Variants in ARHGEF6 observed in about 807,000 individuals in gnomAD.
ARHGEF6 encodes Rac/Cdc42 guanine nucleotide exchange factor 6, also known as rho guanine nucleotide exchange factor 6.
In ARHGEF6, 9 loss-of-function variants were observed where a neutral mutation model predicts 70.3. The observed-to-expected ratio is 0.13, with a 90% CI of 0.08 to 0.22. ARHGEF6 has a LOEUF of 0.22. Ranked by LOEUF, ARHGEF6 falls within the 10% of genes least tolerant of loss-of-function variation. The probability of loss-of-function intolerance (pLI) is 1.00; values close to 1 mark genes in which losing one functional copy is unlikely to be tolerated. For synonymous variants in ARHGEF6, 201 were observed against 207.8 expected (o/e 0.97, Z 0.28); for missense variants, 470 against 563.0 (o/e 0.83, Z 1.67).
chrX:136,715,045 T>C (rs2076723511), intron 6 of ARHGEF6, among the ~76,000 whole-genome samples: 1 of 112,049 alleles, frequency 8.9e-6, no homozygotes, highest in Admixed American at 9.4e-5. Context: ...TTGCCCCCAG[T>C]TGAGAATCAC....
At chrX:136,723,126 G>A (rs1198521097) in intron 6 of ARHGEF6, among the ~76,000 whole-genome samples, 1 of 112,137 alleles carries the variant, frequency 8.9e-6, no homozygotes, top group East Asian at 2.8e-4. Context: ...GTAGATTAGT[G>A]GTTGCCAAGG....
At chrX:136,709,849 C>G (rs1280353772) in intron 7 of ARHGEF6, among the ~76,000 whole-genome samples, 1 of 111,792 alleles carries the variant, frequency 8.9e-6, no homozygotes, top group Non-Finnish European at 1.9e-5. Flanking sequence ...GCCTGTAATT[C>G]CAGCTACTCG....
chrX:136,705,728 G>A lies in ARHGEF6; in HGVS notation c.1046+1180C>T, dbSNP rs961672170. 2.7e-5 allele frequency among the ~76,000 whole-genome samples: 3 copies of A among 112,280 alleles called. No homozygotes were observed. The Admixed American group carries it at 2.8e-4, about 11-fold the overall frequency. On this transcript the variant is annotated intron_variant, in intron 9 of 21. Transcript: ENST00000250617. ...TCTTTAAACTCCAATTTCCATATTT[G>A]CTATTCCATAAGAGTTCAAAATTTA...
intron 2 of ARHGEF6, among the ~76,000 whole-genome samples, chrX:136,773,000 C>T (rs1374398541): frequency 9.0e-6 from 1 of 111,668 alleles, no homozygotes; most frequent in Non-Finnish European, 1.9e-5. Context: ...GTGTGATCCT[C>T]TAAAGACCCT....
intron 2 of ARHGEF6, among the ~76,000 whole-genome samples, chrX:136,776,262 G>A (rs1330718682): frequency 1.8e-5 from 2 of 111,661 alleles, no homozygotes; most frequent in Non-Finnish European, 3.8e-5. Context: ...AACAAATCTA[G>A]AGGCATCACA....
intron 6 of ARHGEF6, among the ~76,000 whole-genome samples, chrX:136,719,353 T>C (rs1042267906): frequency 9.0e-6 from 1 of 111,551 alleles, no homozygotes; most frequent in African/African-American, 3.2e-5. Flanking sequence ...GTAATCAAAC[T>C]AGAAATCAAT....
Position 136,685,799 on chromosome X carries a change from T to C in ARHGEF6, c.1270A>G (p.Arg424Gly). Residue 424 changes from arginine to glycine, a missense_variant, in exon 12 of 22, where the codon AGA becomes GGA. By Grantham distance (125) the Arg-to-Gly change is moderately radical. Around this residue, in one of 3 missense-constraint regions of ARHGEF6, gnomAD observed 379 missense variants for 449.3 expected, o/e 0.84. Transcript: ENST00000250617. Reference protein sequence around the residue: ...LMGQCQDLRKRKQLELQILSE... With the variant: ...LMGQCQDLRKGKQLELQILSE... Reference sequence around the variant, plus strand: ...AGTATCTGTAACTCCAGCTGTTTTCTCTTCCTCAGATCTTGACATTGCCCC... The same window carrying C: ...AGTATCTGTAACTCCAGCTGTTTTCCCTTCCTCAGATCTTGACATTGCCCC... 8.3e-7 allele frequency: 1 copy of C among 1,211,441 alleles called. No homozygotes were observed. Among genetic ancestry groups the C allele is most frequent in the South Asian group, 1.8e-5 (1 of 56,980 alleles).
chrX:136,686,625 C>CAT lies in ARHGEF6; in HGVS notation c.1246-804_1246-803dup, dbSNP rs796276387. Among the ~76,000 whole-genome samples the CAT allele has an allele frequency of 4.4e-3, 243 of 54,955 alleles. 2 individuals carry two copies. Among genetic ancestry groups the CAT allele is most frequent in the Middle Eastern group, 9.6e-3 (1 of 104 alleles). 47.7% of individuals were successfully genotyped at this position (54,955 alleles called of 115,157 possible). A position where few individuals can be genotyped will look rare whatever the true frequency, so the allele number is the denominator to read the frequency against. On this transcript the variant is annotated intron_variant, in intron 11 of 21. Transcript: ENST00000250617. ...ATATATATATATATATATATATACA[C>CAT]ATATATATATATATATACACACATA...
In ARHGEF6 at chrX:136,666,170, C is replaced by A. The variant is rs2148556994; in HGVS notation, c.*1859G>T. 8.9e-6 allele frequency: 1 copy of A among 112,602 alleles called. No homozygotes were observed. The highest frequency in any genetic ancestry group is 3.2e-5 in the African/African-American group (1 of 31,006). The allele number at this position is 112,602 out of a possible 1,213,427, so 9.3% of individuals were successfully genotyped here. A position where few individuals can be genotyped will look rare whatever the true frequency, so the allele number is the denominator to read the frequency against. ...TCCTAGAAATTTCTTTACTCTTCAG[C>A]TTCCAAACACGGCTGTGTGTGGTTG... On this transcript the variant is annotated 3_prime_UTR_variant, in exon 22 of 22. Coordinates refer to ENST00000250617, the MANE Select transcript of ARHGEF6 (RefSeq NM_004840.3).
At position 136,667,802 on chromosome X, in the gene ARHGEF6, A is replaced by T. The variant is rs1329424190; in HGVS notation, c.*227T>A. 1 of 441,022 alleles carries T rather than the reference A, an allele frequency of 2.3e-6. No homozygotes were observed. The highest frequency in any genetic ancestry group is 2.5e-5 in the African/African-American group (1 of 40,439). 36.3% of individuals were successfully genotyped at this position (441,022 alleles called of 1,213,427 possible). A position where few individuals can be genotyped will look rare whatever the true frequency, so the allele number is the denominator to read the frequency against. On this transcript the variant is annotated 3_prime_UTR_variant, in exon 22 of 22. Coordinates refer to ENST00000250617, the MANE Select transcript of ARHGEF6 (RefSeq NM_004840.3). ...CCTGCTTTTTCACCTGTTGAAAAAA[A>T]AAATGAACAACCAACCAATAACCAA...
intron 10 of ARHGEF6, among the ~76,000 whole-genome samples, chrX:136,689,686 T>C (rs1026238398): frequency 8.9e-6 from 1 of 111,819 alleles, no homozygotes; most frequent in African/African-American, 3.3e-5. Context: ...TTACAAATGC[T>C]GACAAGCCCG....
At chrX:136,706,681 T>C (rs2076630092) in intron 9 of ARHGEF6, among the ~76,000 whole-genome samples, 1 of 112,193 alleles carries the variant, frequency 8.9e-6, no homozygotes, top group South Asian at 3.7e-4. Flanking sequence ...CTCCTCCTCC[T>C]TGTTCATTCC....
intron 6 of ARHGEF6, among the ~76,000 whole-genome samples, chrX:136,730,403 A>T (rs1355686628): frequency 1.8e-5 from 2 of 111,879 alleles, no homozygotes; most frequent in African/African-American, 6.5e-5. Context: ...AAGCCAGAGA[A>T]ATGTGGATTT....
Position 136,679,522 on chromosome X carries a change from G to A in ARHGEF6, c.1830+13C>T, listed in dbSNP as rs781267386. Reference sequence around the variant, plus strand: ...TTGTCAGAAGCATTTTATACCATAGGTAGCAAAATTACCTCTTTATAACCT... The same window carrying A: ...TTGTCAGAAGCATTTTATACCATAGATAGCAAAATTACCTCTTTATAACCT... On this transcript the variant is annotated intron_variant, in intron 16 of 21. Coordinates refer to ENST00000250617, the MANE Select transcript of ARHGEF6 (RefSeq NM_004840.3). 7 of 1,210,362 alleles carry A rather than the reference G, an allele frequency of 5.8e-6. No homozygotes were observed. In the South Asian group the frequency reaches 1.1e-4, roughly 18 times the overall value.
intron 4 of ARHGEF6, among the ~76,000 whole-genome samples, chrX:136,744,188 T>C (rs768143301): frequency 6.2e-5 from 7 of 112,013 alleles, no homozygotes; most frequent in Non-Finnish European, 1.3e-4. Context: ...CAAGATGTAC[T>C]AACCTACCCT....
chrX:136,688,453 T>A (rs1475423529), intron 10 of ARHGEF6, among the ~76,000 whole-genome samples: 1 of 110,549 alleles, frequency 9.0e-6, no homozygotes, highest in African/African-American at 3.3e-5. Flanking sequence ...TGTTGGTAGA[T>A]GACAGGAGGT....
In ARHGEF6 at chrX:136,729,885, A is replaced by T. The variant is rs1053418528; in HGVS notation, c.732+2217T>A. Among the ~76,000 whole-genome samples, 7 of 110,590 alleles carry T rather than the reference A, an allele frequency of 6.3e-5. No homozygotes were observed. In the Admixed American group the frequency reaches 6.8e-4, roughly 11 times the overall value. On this transcript the variant is annotated intron_variant, in intron 6 of 21. Transcript: ENST00000250617. ...GAATACATAATTTCCTGTTTTATTT[A>T]AAAATTTATATACACACATAGATAT...
chrX:136,674,914 A>T, intron 19 of ARHGEF6, 93 bp downstream of exon 19: 1 of 816,301 alleles, frequency 1.2e-6, no homozygotes, highest in Non-Finnish European at 1.8e-6. Flanking sequence ...ACACCCTGCA[A>T]CCCATCCGGG....
At chrX:136,703,409 A>G (rs1396329393) in intron 9 of ARHGEF6, among the ~76,000 whole-genome samples, 1 of 112,486 alleles carries the variant, frequency 8.9e-6, no homozygotes, top group Non-Finnish European at 1.9e-5. Context: ...TACAAATTGA[A>G]GTTTTGTGGC....
Sources: gnomAD v4.1 joint callset for allele counts (sites outside exome capture counted in the v4.1 genomes callset) on GRCh38, gnomAD v4.1.1 for gene constraint, gnomAD v4.1.1 regional missense constraint, MANE v1.5 for transcripts, NCBI Gene and HGNC (gene_info 2026-07-23, HGNC 2026-07-21) for gene names.